The following POLR1F variants were observed in gnomAD, a reference collection of about 807,000 sequenced individuals.
POLR1F encodes DNA-directed RNA polymerase I subunit RPA43.
POLR1F carries 23 observed loss-of-function variants against 21.8 expected under a neutral mutation model. The ratio of observed to expected loss-of-function variants is 1.05; its 90% confidence interval spans 0.76 to 1.49. The LOEUF is 1.49. Among genes scored for constraint, POLR1F ranks in the 40% most tolerant of loss-of-function variants. The pLI is 0.00. For synonymous variants in POLR1F, 162 were observed against 152.8 expected, an observed-to-expected ratio of 1.06 and a Z score of -0.45; for missense variants, 435 against 412.1, an observed-to-expected ratio of 1.06 and a Z score of -0.48.
chr7:19,700,729 G>C (rs191293373), intron 2 of POLR1F, among the ~76,000 whole-genome samples: 18 of 152,184 alleles, frequency 1.2e-4, no homozygotes, highest in African/African-American at 4.3e-4. Flanking sequence ...TCCATGTTAC[G>C]TTTCTGTAAA....
At chr7:19,698,908 T>C (rs981326897) in intron 3 of POLR1F, among the ~76,000 whole-genome samples, 181 bp from the exon 4 acceptor site, 3 of 152,136 alleles carry the variant, frequency 2.0e-5, no homozygotes, top group African/African-American at 4.8e-5. Flanking sequence ...AAAATATGTA[T>C]GGGCTGCTGA....
At chr7:19,704,689 G>C in intron 2 of POLR1F, 90 bp downstream of exon 2, 1 of 1,148,702 alleles carries the variant, frequency 8.7e-7, no homozygotes, top group South Asian at 1.6e-5. Flanking sequence ...ATTTATTTGA[G>C]TCCCAAGGTA....
chr7:19,696,847 T>C lies in POLR1F; in HGVS notation c.*1469A>G, dbSNP rs1463981825. 6.6e-6 allele frequency: 1 copy of C among 152,144 alleles called. No homozygotes were observed. Among genetic ancestry groups the C allele is most frequent in the African/African-American group, 2.4e-5 (1 of 41,454 alleles). The allele number at this position is 152,144 out of a possible 1,614,324, so 9.4% of individuals were successfully genotyped here. On this transcript the variant is annotated 3_prime_UTR_variant, in exon 4 of 4. Coordinates refer to ENST00000222567, the MANE Select transcript of POLR1F (RefSeq NM_001002926.2). Reference sequence around the variant, plus strand: ...TCTTTAAAATCTGGTATGTATTTTATACTGACAGCACATCTCAATTTGGAC... The same window carrying C: ...TCTTTAAAATCTGGTATGTATTTTACACTGACAGCACATCTCAATTTGGAC...
At chr7:19,703,302 G>A (rs1036129958) in intron 2 of POLR1F, among the ~76,000 whole-genome samples, 2 of 152,118 alleles carry the variant, frequency 1.3e-5, no homozygotes, top group African/African-American at 4.8e-5. Flanking sequence ...AATTATATCT[G>A]CAATAAAGAG....
chr7:19,698,967 C>A (rs760825819), intron 3 of POLR1F, among the ~76,000 whole-genome samples: 18 of 152,026 alleles, frequency 1.2e-4, no homozygotes, highest in Non-Finnish European at 1.9e-4. Flanking sequence ...TAAATTCTTT[C>A]TTTATGAATA....
At position 19,702,058 on chromosome 7, in the gene POLR1F, C is replaced by T. The variant is rs183063321; in HGVS notation, c.397-1778G>A. Among the ~76,000 whole-genome samples the T allele has an allele frequency of 1.4e-3, 211 of 152,182 alleles. 2 individuals carry two copies. Among genetic ancestry groups the T allele is most frequent in the African/African-American group, 5.0e-3 (206 of 41,520 alleles). ...AATGCCCTCTTGTGAGGAGCAATAC[C>T]TCAATAAATGCCATGACACATTTGT... On this transcript the variant is annotated intron_variant, in intron 2 of 3. Coordinates refer to ENST00000222567, the MANE Select transcript of POLR1F (RefSeq NM_001002926.2).
In POLR1F at chr7:19,704,961, T is replaced by C. The variant is rs74870985; in HGVS notation, c.255-41A>G. The C allele has an allele frequency of 3.7e-3, 5,693 of 1,535,912 alleles. 219 individuals are homozygous for C. The African/African-American group carries it at 0.072, about 19-fold the overall frequency. ...GTTGAAAATGATACCTTTTATCGTCTTTTATTTATTTATGTTTTTGGAGAC... is the reference window on the plus strand; with the variant it reads ...GTTGAAAATGATACCTTTTATCGTCCTTTATTTATTTATGTTTTTGGAGAC... On this transcript the variant is annotated intron_variant, in intron 1 of 3. Transcript: ENST00000222567.
In POLR1F at chr7:19,698,656, G is replaced by T; in HGVS notation, c.677C>A (p.Pro226His). 1.3e-6 allele frequency: 2 copies of T among 1,588,746 alleles called. No individual in the cohort carries two copies. The highest frequency in any genetic ancestry group is 1.7e-6 in the Non-Finnish European group (2 of 1,172,662). The change falls in exon 4 of 4, where the codon CCT becomes CAT. Residue 226 changes from proline to histidine, a missense_variant. Pro to His is a moderately conservative substitution (Grantham distance 77). Transcript: ENST00000222567. ...GTCTTTCTTCTTTTTCTTCTTTTTA[G>T]GTTTTTTAGCAGCTTCCTCAGTGCC... The part of the protein sequence containing the change: ...ENGTEEAAKK[P>H]KKKKKKKDPE...
chr7:19,707,108 C>G (rs1783536208), intron 1 of POLR1F, among the ~76,000 whole-genome samples: 1 of 152,222 alleles, frequency 6.6e-6, no homozygotes, highest in South Asian at 2.1e-4. Context: ...TTTAATTTCT[C>G]AAATCCATCC....
At chr7:19,702,576 T>A (rs1783459720) in intron 2 of POLR1F, among the ~76,000 whole-genome samples, 1 of 152,134 alleles carries the variant, frequency 6.6e-6, no homozygotes, top group African/African-American at 2.4e-5. Flanking sequence ...TTGGACCTCA[T>A]CAAAATTAAA....
At position 19,700,238 on chromosome 7, in the gene POLR1F, C is replaced by G; in HGVS notation, c.439G>C (p.Val147Leu). The G allele has an allele frequency of 1.2e-6, 2 of 1,613,790 alleles. No homozygotes were observed. Among genetic ancestry groups the G allele is most frequent in the Non-Finnish European group, 1.7e-6 (2 of 1,179,786 alleles). The change falls in exon 3 of 4, where the codon GTA becomes CTA. Residue 147 changes from valine (V) to leucine (L), a missense_variant. Physicochemically the swap from Val to Leu is conservative, Grantham distance 32. Coordinates refer to ENST00000222567, the MANE Select transcript of POLR1F (RefSeq NM_001002926.2). Reference sequence around the variant, plus strand: ...ATGGAGGCATTGAAACACCCATGTACTAAACAGCCAATGTGGCTAGAAGAC... The same window carrying G: ...ATGGAGGCATTGAAACACCCATGTAGTAAACAGCCAATGTGGCTAGAAGAC... The part of the protein sequence containing the change: ...KVSSSHIGCL[V>L]HGCFNASIPK...
chr7:19,701,108 C>T (rs1466036610), intron 2 of POLR1F, among the ~76,000 whole-genome samples: 1 of 152,162 alleles, frequency 6.6e-6, no homozygotes, highest in Non-Finnish European at 1.5e-5. Flanking sequence ...AATAAAACTT[C>T]CCTATCTGGT....
At position 19,698,570 on chromosome 7, in the gene POLR1F, G is replaced by C. The variant is rs1783405898; in HGVS notation, c.763C>G (p.Pro255Ala). 2 of 1,613,082 alleles carry C rather than the reference G, an allele frequency of 1.2e-6. No homozygotes were observed. The highest frequency in any genetic ancestry group is 1.7e-4 in the Middle Eastern group (1 of 6,050). The change falls in exon 4 of 4, where the codon CCA (proline) becomes GCA (alanine). Residue 255 changes from proline to alanine, a missense_variant. Physicochemically the swap from Pro to Ala is conservative, Grantham distance 27 (BLOSUM62 -1). Coordinates refer to ENST00000222567, the MANE Select transcript of POLR1F (RefSeq NM_001002926.2). ...TKLADDADDT[P>A]MEESALQNTN... ...TTCTGCAGGGCTGACTCTTCCATTG[G>C]AGTGTCATCTGCATCATCTGCTAGC... is the stretch of plus-strand genomic sequence containing the variant.
At chr7:19,704,951 T>C (rs1157903046) in intron 1 of POLR1F, 31 bp from the exon 2 acceptor site, 1 of 1,535,978 alleles carries the variant, frequency 6.5e-7, no homozygotes. Flanking sequence ...AAATGATACC[T>C]TTTATCGTCT....
At position 19,698,354 on chromosome 7, in the gene POLR1F, A is replaced by G. The variant is rs1783401104; in HGVS notation, c.979T>C (p.Cys327Arg). Residue 327 changes from cysteine (C) to arginine (R), a missense_variant, in exon 4 of 4, where the codon TGC becomes CGC. Coordinates refer to ENST00000222567, the MANE Select transcript of POLR1F (RefSeq NM_001002926.2). ...CTTTTCCCTTTTCTTTTTGGTGAGC[A>G]TTTCAAAGGTGGGGTAAATTCGGCC... ...EEAEFTPPLK[C>R]SPKRKGKSNF... 5 of 1,574,152 alleles carry G rather than the reference A, an allele frequency of 3.2e-6. No homozygotes were observed. Among genetic ancestry groups the G allele is most frequent in the Non-Finnish European group, 1.7e-6 (2 of 1,169,918 alleles).
chr7:19,700,816 C>T (rs1253514953), intron 2 of POLR1F, among the ~76,000 whole-genome samples: 3 of 152,202 alleles, frequency 2.0e-5, no homozygotes, highest in African/African-American at 2.4e-5. Flanking sequence ...CATTAGAAGA[C>T]AGCTTACCCT....
rs1247836531 is a variant in POLR1F at position 19,697,085 on chromosome 7, C to G, written c.*1231G>C. On this transcript the variant is annotated 3_prime_UTR_variant, in exon 4 of 4. Transcript: ENST00000222567. ...CAAATATTAAGCTGTGAGACCAGCA[C>G]TATGTCTGGTACTAAATAAATGGCA... 2 of 152,112 alleles carry G rather than the reference C, an allele frequency of 1.3e-5. No individual in the cohort carries two copies. Among genetic ancestry groups the G allele is most frequent in the Non-Finnish European group, 2.9e-5 (2 of 67,978 alleles). The allele number at this position is 152,112 out of a possible 1,614,324, so 9.4% of individuals were successfully genotyped here.
At chr7:19,702,008 G>C (rs898462208) in intron 2 of POLR1F, among the ~76,000 whole-genome samples, 1 of 151,948 alleles carries the variant, frequency 6.6e-6, no homozygotes, top group Non-Finnish European at 1.5e-5. Flanking sequence ...TTTAGGTCAA[G>C]GTCTGCAGGC....
chr7:19,698,774 CA>C, intron 3 of POLR1F, 47 bp from the exon 4 acceptor site: 3 of 1,445,918 alleles, frequency 2.1e-6, no homozygotes, highest in Non-Finnish European at 2.7e-6. Context: ...AAGCAAAAAA[CA>C]AAGAACAAAT....
Sources: gnomAD v4.1 joint callset for allele counts (sites outside exome capture counted in the v4.1 genomes callset) on GRCh38, gnomAD v4.1.1 for gene constraint, MANE v1.5 for transcripts, NCBI Gene and HGNC (gene_info 2026-07-23, HGNC 2026-07-21) for gene names.